Variants in SLC25A51 observed in about 807,000 individuals in gnomAD.
The protein encoded by SLC25A51 is solute carrier family 25 member 51, also known as mitochondrial nicotinamide adenine dinucleotide transporter SLC25A51.
SLC25A51 carries 11 observed loss-of-function variants against 19.1 expected under a neutral mutation model. The observed-to-expected ratio is 0.58, with a 90% CI of 0.36 to 0.96. SLC25A51 has a LOEUF of 0.96. Among genes scored for constraint, SLC25A51 ranks in the 40% least tolerant of loss-of-function variants. SLC25A51 has a pLI of 0.01. For missense variants in SLC25A51, 201 were observed against 365.4 expected, an observed-to-expected ratio of 0.55 and a Z score of 3.67; for synonymous variants, 105 against 133.6, an observed-to-expected ratio of 0.79 and a Z score of 1.47.
At position 37,888,442 on chromosome 9, in the gene SLC25A51, C is replaced by T; in HGVS notation, c.109G>A (p.Gly37Ser). The T allele has an allele frequency of 6.2e-7, 1 of 1,614,232 alleles. No individual in the cohort carries two copies. Among genetic ancestry groups the T allele is most frequent in the Non-Finnish European group, 8.5e-7 (1 of 1,180,042 alleles). ...NVGEMKHYLC[G>S]CCAAFNNVAI... ...ACATTGTTGAAGGCTGCACAGCAGC[C>T]ACACAAGTAATGCTTCATCTCACCA... Residue 37 changes from glycine (G) to serine (S), a missense_variant, in exon 3 of 3, where the codon GGC (glycine) becomes AGC (serine). Coordinates refer to ENST00000242275, the MANE Select transcript of SLC25A51 (RefSeq NM_033412.4).
chr9:37,885,667 G>C, downstream of SLC25A51: 1 of 1,106,886 alleles, frequency 9.0e-7, no homozygotes. Context: ...CCCCAAAGGA[G>C]TTGCCCGAAA....
intron 1 of SLC25A51, among the ~76,000 whole-genome samples, chr9:37,902,927 A>G (rs963275852): frequency 2.6e-5 from 4 of 152,236 alleles, no homozygotes; most frequent in Admixed American, 1.3e-4. Flanking sequence ...AATTTCCACT[A>G]GTCAGCAGGT....
downstream of SLC25A51, chr9:37,885,956 G>A (rs1564066022): frequency 6.2e-7 from 1 of 1,613,628 alleles, no homozygotes; most frequent in South Asian, 1.1e-5. Flanking sequence ...ACTAGAACGG[G>A]ACAACAGGGT....
chr9:37,885,936 T>C (rs1831446336), downstream of SLC25A51: 1 of 1,610,440 alleles, frequency 6.2e-7, no homozygotes, highest in Admixed American at 1.7e-5. Flanking sequence ...GATAAAACCA[T>C]TGATGAGGAA....
intron 1 of SLC25A51, among the ~76,000 whole-genome samples, chr9:37,901,725 C>T (rs1409382194): frequency 2.0e-5 from 3 of 152,162 alleles, no homozygotes; most frequent in Non-Finnish European, 4.4e-5. Context: ...CTCTCCCTTT[C>T]TTAATGTACA....
chr9:37,898,897 T>A (rs921205256), intron 2 of SLC25A51, among the ~76,000 whole-genome samples: 6 of 152,192 alleles, frequency 3.9e-5, no homozygotes, highest in African/African-American at 9.7e-5. Flanking sequence ...TAAACTTTGG[T>A]CAAATGCTTT....
Position 37,895,259 on chromosome 9 carries a change from T to C in SLC25A51, c.-43+4570A>G, listed in dbSNP as rs1204359717. Reference sequence around the variant, plus strand: ...TTCTGTTGCCCAGGCTACGATGCAGTGGCACAGTCATGGTTTACTGTAACC... The same window carrying C: ...TTCTGTTGCCCAGGCTACGATGCAGCGGCACAGTCATGGTTTACTGTAACC... On this transcript the variant is annotated intron_variant, in intron 2 of 2. Transcript: ENST00000242275. 3.3e-5 allele frequency among the ~76,000 whole-genome samples: 5 copies of C among 152,232 alleles called. No individual in the cohort carries two copies. The East Asian group carries it at 5.8e-4, about 18-fold the overall frequency.
intron 2 of SLC25A51, among the ~76,000 whole-genome samples, chr9:37,889,264 C>G (rs901603769): frequency 2.0e-5 from 3 of 152,192 alleles, no homozygotes; most frequent in Admixed American, 6.5e-5. Context: ...TGCACTCATT[C>G]TATTCATATT....
At chr9:37,881,981 G>T (rs1336131469) in intron 2 of SLC25A51, among the ~76,000 whole-genome samples, 1 of 152,090 alleles carries the variant, frequency 6.6e-6, no homozygotes, top group Non-Finnish European at 1.5e-5. Flanking sequence ...AACTCATAGG[G>T]TCATAAAACT....
downstream of SLC25A51, among the ~76,000 whole-genome samples, chr9:37,884,339 T>G (rs1300245268): frequency 6.6e-6 from 1 of 152,240 alleles, no homozygotes; most frequent in Non-Finnish European, 1.5e-5. Context: ...TATTACCTAC[T>G]TTTAGAATTC....
intron 2 of SLC25A51, among the ~76,000 whole-genome samples, chr9:37,892,613 C>T (rs969731644): frequency 2.0e-5 from 3 of 151,776 alleles, no homozygotes; most frequent in African/African-American, 7.3e-5. Context: ...CTCACTGTTG[C>T]CCAGGCTGGA....
intron 2 of SLC25A51, among the ~76,000 whole-genome samples, chr9:37,892,283 C>G (rs1164332454): frequency 3.3e-5 from 5 of 152,198 alleles, no homozygotes. Flanking sequence ...CCCGTGGGCT[C>G]GGCTCTGAAA....
chr9:37,895,321 C>G (rs917974532), intron 2 of SLC25A51, among the ~76,000 whole-genome samples: 1 of 151,784 alleles, frequency 6.6e-6, no homozygotes. Flanking sequence ...CCTGCCTCAG[C>G]CTCCTGAGTA....
At chr9:37,891,848 T>TTAA (rs375610382) in intron 2 of SLC25A51, among the ~76,000 whole-genome samples, 2 of 87,718 alleles carry the variant, frequency 2.3e-5, no homozygotes, top group African/African-American at 9.1e-5. Flanking sequence ...CCAAGAATGA[T>TTAA]AAAAAAAAAA....
chr9:37,901,370 G>A (rs1383794899), intron 1 of SLC25A51, among the ~76,000 whole-genome samples: 1 of 152,076 alleles, frequency 6.6e-6, no homozygotes, highest in East Asian at 1.9e-4. Flanking sequence ...GTTTCACTAT[G>A]TTAGCCAGGC....
intron 2 of SLC25A51, among the ~76,000 whole-genome samples, chr9:37,897,957 G>A (rs1191264952): frequency 2.6e-5 from 4 of 152,148 alleles, no homozygotes; most frequent in African/African-American, 7.2e-5. Flanking sequence ...AACATGAAGT[G>A]CAGGAGGCCT....
chr9:37,886,225 C>A (rs1831454277), downstream of SLC25A51: 6 of 1,593,892 alleles, frequency 3.8e-6, no homozygotes, highest in Middle Eastern at 3.3e-4. Flanking sequence ...GACGGGCTGT[C>A]TCATGGACCT....
Position 37,904,050 on chromosome 9 carries a change from C to A in SLC25A51, c.-165+18G>T, listed in dbSNP as rs1158876089. 1 of 152,442 alleles carries A rather than the reference C, an allele frequency of 6.6e-6. No individual in the cohort carries two copies. Among genetic ancestry groups the A allele is most frequent in the Non-Finnish European group, 1.5e-5 (1 of 68,204 alleles). The allele number at this position is 152,442 out of a possible 1,614,324, so 9.4% of individuals were successfully genotyped here. A position where few individuals can be genotyped will look rare whatever the true frequency, so the allele number is the denominator to read the frequency against. On this transcript the variant is annotated intron_variant, in intron 1 of 2. Coordinates refer to ENST00000242275, the MANE Select transcript of SLC25A51 (RefSeq NM_033412.4). ...GCGAAGAAAGCCCGGTGCTTCCCCA[C>A]GCTCGTCCCACACTCACCCATCAGC...
chr9:37,890,524 TGA>T (rs1055864318), intron 2 of SLC25A51, among the ~76,000 whole-genome samples: 1 of 152,146 alleles, frequency 6.6e-6, no homozygotes, highest in African/African-American at 2.4e-5. Context: ...GGCAACATAG[TGA>T]GACTCTGCCT....
Sources: gnomAD v4.1 joint callset for allele counts (sites outside exome capture counted in the v4.1 genomes callset) on GRCh38, gnomAD v4.1.1 for gene constraint, MANE v1.5 for transcripts, NCBI Gene and HGNC (gene_info 2026-07-23, HGNC 2026-07-21) for gene names.